Variants in FOXD4L1 observed in about 807,000 individuals in gnomAD.
FOXD4L1 encodes forkhead box D4 like 1.
A neutral mutation model predicts 24.8 loss-of-function variants in FOXD4L1; 10 were observed. That is an observed-to-expected ratio of 0.40 (90% CI 0.25 to 0.68). FOXD4L1 has a LOEUF of 0.68. FOXD4L1 is among the 30% of genes least tolerant of loss of function. The probability of loss-of-function intolerance (pLI) is 0.37; values close to 1 mark genes in which losing one functional copy is unlikely to be tolerated. For synonymous variants in FOXD4L1, 159 were observed against 256.4 expected (o/e 0.62, Z 3.63); for missense variants, 364 against 572.4 (o/e 0.64, Z 3.72).
chr2:113,500,325 C>A, exon 1 of FOXD4L1: 2 of 1,522,782 alleles, frequency 1.3e-6, no homozygotes, highest in Non-Finnish European at 1.8e-6. Flanking sequence ...CCTGCTCCAG[C>A]GACCGTCAAG....
exon 1 of FOXD4L1, chr2:113,500,714 A>G: frequency 8.8e-7 from 1 of 1,133,136 alleles, no homozygotes; most frequent in East Asian, 3.4e-5. Context: ...ATGGTTAGAA[A>G]GAAACAGCTG....
chr2:113,499,105 A>G (rs1443953594), exon 1 of FOXD4L1: 1 of 1,394,616 alleles, frequency 7.2e-7, no homozygotes, highest in Admixed American at 2.3e-5. Flanking sequence ...ACGTTGTTGC[A>G]AAGGAGTAGA....
In FOXD4L1 at chr2:113,499,446, T is replaced by C. The variant is rs771845965; in HGVS notation, c.190T>C (p.Trp64Arg). 12 of 1,587,276 alleles carry C rather than the reference T, an allele frequency of 7.6e-6. 1 individual carries two copies. The highest frequency in any genetic ancestry group is 4.5e-5 in the South Asian group (4 of 89,430). ...CCAGCCGGGGCTGCAGGTGGCCCGG[T>C]GGGGCGGGGTTGCGCTTCCCCGAGA... Residue 64 changes from tryptophan (W) to arginine (R), a missense_variant, in exon 1 of 1, where the codon TGG (tryptophan) becomes CGG (arginine). Physicochemically the swap from Trp to Arg is moderately radical, Grantham distance 101. Coordinates refer to ENST00000306507, the Ensembl canonical transcript of FOXD4L1.
chr2:113,499,102 T>C (rs1450952563), exon 1 of FOXD4L1: 3 of 1,370,944 alleles, frequency 2.2e-6, no homozygotes, highest in East Asian at 5.0e-5. Context: ...CGGACGTTGT[T>C]GCAAAGGAGT....
exon 1 of FOXD4L1, chr2:113,500,603 G>T: frequency 6.8e-7 from 1 of 1,466,992 alleles, no homozygotes; most frequent in Non-Finnish European, 9.1e-7. Context: ...GTGGGAGTGG[G>T]GAGCGATCCG....
exon 1 of FOXD4L1, chr2:113,499,723 G>T (rs1221337577): frequency 1.9e-6 from 3 of 1,606,720 alleles, no homozygotes; most frequent in African/African-American, 2.7e-5. Context: ...AACAGCATCC[G>T]CCACAACCTC....
rs780938736 is a variant in FOXD4L1 at position 113,499,760 on chromosome 2, C to G, written c.504C>G (p.Ile168Met). The change falls in exon 1 of 1, where the codon ATC becomes ATG. Residue 168 changes from isoleucine to methionine, a missense_variant. Coordinates refer to ENST00000306507, the Ensembl canonical transcript of FOXD4L1. Reference sequence around the variant, plus strand: ...CGCTGAACGACTGCTTCGTCAAGATCCCCCGCGAGCCGGGCCACCCAGGCA... The same window carrying G: ...CGCTGAACGACTGCTTCGTCAAGATGCCCCGCGAGCCGGGCCACCCAGGCA... 12 of 1,591,586 alleles carry G rather than the reference C, an allele frequency of 7.5e-6. No individual in the cohort carries two copies. The African/African-American group carries it at 1.2e-4, about 16-fold the overall frequency.
At chr2:113,499,428 G>C in exon 1 of FOXD4L1, 1 of 1,603,788 alleles carries the variant, frequency 6.2e-7, no homozygotes, top group Non-Finnish European at 8.5e-7. Context: ...GCTCCAGCCG[G>C]GGCTGCAGGT....
Position 113,500,367 on chromosome 2 carries a change from G to A in FOXD4L1, c.1111G>A (p.Ala371Thr), listed in dbSNP as rs1445524122. 1.3e-6 allele frequency: 2 copies of A among 1,519,786 alleles called. 1 individual carries two copies. The allele number at this position is 1,519,786 out of a possible 1,614,324, so 94.1% of individuals were successfully genotyped here. The change falls in exon 1 of 1, where the codon GCA becomes ACA. Residue 371 changes from alanine to threonine, a missense_variant. Physicochemically the swap from Ala to Thr is moderately conservative, Grantham distance 58 (BLOSUM62 0). Coordinates refer to ENST00000306507, the Ensembl canonical transcript of FOXD4L1. The stretch of plus-strand genomic sequence containing the variant: ...GGACAATTTTGCAGCAACAGCAGCA[G>A]CATCAGGAGGAGGACTGCGCCAACG...
At chr2:113,498,804 G>T (rs1055821363) in exon 1 of FOXD4L1, 92 of 277,106 alleles carry the variant, frequency 3.3e-4, no homozygotes, top group African/African-American at 1.9e-3. Context: ...TTCCTACCTC[G>T]CTTTTATTTG....
exon 1 of FOXD4L1, chr2:113,500,304 A>C: frequency 6.5e-7 from 1 of 1,532,090 alleles, no homozygotes; most frequent in Non-Finnish European, 8.8e-7. Flanking sequence ...GACCGCGTGG[A>C]GCTACTGCCC....
At position 113,500,541 on chromosome 2, in the gene FOXD4L1, A is replaced by T. The variant is rs1300969994; in HGVS notation, c.*58A>T. The T allele has an allele frequency of 6.0e-6, 9 of 1,505,800 alleles. 1 individual carries two copies. The Admixed American group carries it at 8.2e-5, about 14-fold the overall frequency. 93.3% of individuals were successfully genotyped at this position (1,505,800 alleles called of 1,614,324 possible). On this transcript the variant is annotated 3_prime_UTR_variant, in exon 1 of 1. Transcript: ENST00000306507. ...AGGGGACCTCACCAGTTTTTTTAGTATCGCCCACGCCCAGTTCCCTGGCCA... is the reference window on the plus strand; with the variant it reads ...AGGGGACCTCACCAGTTTTTTTAGTTTCGCCCACGCCCAGTTCCCTGGCCA...
At position 113,500,456 on chromosome 2, in the gene FOXD4L1, G is replaced by A. The variant is rs1358251776; in HGVS notation, c.1200G>A (p.Ala400=). The change falls in exon 1 of 1, where the codon GCG becomes GCA. Residue 400 remains alanine, a synonymous_variant. Coordinates refer to ENST00000306507, the Ensembl canonical transcript of FOXD4L1. Reference sequence around the variant, plus strand: ...CTGTCGGCCGCGTCGGCGCTGCTGCGGTATCAGGCGGTGGCAGAGGGCTCT... The same window carrying A: ...CTGTCGGCCGCGTCGGCGCTGCTGCAGTATCAGGCGGTGGCAGAGGGCTCT... 18 of 1,518,408 alleles carry A rather than the reference G, an allele frequency of 1.2e-5. 4 individuals are homozygous for A. In the African/African-American group the frequency reaches 1.9e-4, roughly 16 times the overall value. The allele number at this position is 1,518,408 out of a possible 1,614,324, so 94.1% of individuals were successfully genotyped here.
In FOXD4L1 at chr2:113,500,734, C is replaced by A. The variant is rs1682431727; in HGVS notation, c.*251C>A. ...TAGAAAGAAACAGCTGGATTACGTTCCTCTAAAAACCACCTGAACGTAACC... is the reference window on the plus strand; with the variant it reads ...TAGAAAGAAACAGCTGGATTACGTTACTCTAAAAACCACCTGAACGTAACC... On this transcript the variant is annotated 3_prime_UTR_variant, in exon 1 of 1. Transcript: ENST00000306507. The A allele has an allele frequency of 2.1e-6, 2 of 950,534 alleles. 1 individual carries two copies. Among genetic ancestry groups the A allele is most frequent in the African/African-American group, 3.4e-5 (2 of 59,592 alleles). The allele number at this position is 950,534 out of a possible 1,614,324, so 58.9% of individuals were successfully genotyped here.
chr2:113,499,303 G>T (rs1431295470), exon 1 of FOXD4L1: 1 of 1,607,636 alleles, frequency 6.2e-7, no homozygotes, highest in African/African-American at 1.3e-5. Context: ...CCGCAGCGCA[G>T]CCTCCGGGAC....
At chr2:113,500,183 G>A in exon 1 of FOXD4L1, 1 of 1,547,616 alleles carries the variant, frequency 6.5e-7, no homozygotes, top group Non-Finnish European at 8.7e-7. Context: ...CTTGGGAGGA[G>A]GGCAAGGGTC....
At chr2:113,499,752 G>C (rs762518950) in exon 1 of FOXD4L1, 39 of 1,603,700 alleles carry the variant, frequency 2.4e-5, no homozygotes, top group Non-Finnish European at 3.2e-5. Flanking sequence ...CGACTGCTTC[G>C]TCAAGATCCC....
exon 1 of FOXD4L1, chr2:113,499,338 G>A: frequency 6.2e-7 from 1 of 1,610,692 alleles, no homozygotes; most frequent in Non-Finnish European, 8.5e-7. Flanking sequence ...CGGTAAAATC[G>A]ATGTCCTGGG....
rs762583395 is a variant in FOXD4L1 at position 113,499,812 on chromosome 2, G to T, written c.556G>T (p.Ala186Ser). Residue 186 changes from alanine (A) to serine (S), a missense_variant, in exon 1 of 1, where the codon GCC (alanine) becomes TCC (serine). Transcript: ENST00000306507. ...GGGCACCTACTGGAGCCTGGACCCC[G>T]CCTCCCAGGACATGTTCGACAATGG... is the stretch of plus-strand genomic sequence containing the variant. 20 of 1,543,672 alleles carry T rather than the reference G, an allele frequency of 1.3e-5. 6 individuals carry two copies. In the East Asian group the frequency reaches 4.4e-4, roughly 34 times the overall value.
Sources: gnomAD v4.1 joint callset for allele counts on GRCh38, gnomAD v4.1.1 for gene constraint, MANE v1.5 for transcripts, NCBI Gene and HGNC (gene_info 2026-07-23, HGNC 2026-07-21) for gene names.